EYA4: variants seen among roughly 807,000 people sequenced by gnomAD.
The protein encoded by EYA4 is protein phosphatase EYA4.
Under a neutral mutation model 87.9 loss-of-function variants are expected in EYA4, and 31 were observed. The observed-to-expected ratio is 0.35, with a 90% CI of 0.27 to 0.48. The LOEUF is 0.48. EYA4 is among the 20% of genes least tolerant of loss of function. The probability of loss-of-function intolerance (pLI) is 0.99; values close to 1 mark genes in which losing one functional copy is unlikely to be tolerated. For missense variants in EYA4, 678 were observed against 761.4 expected (o/e 0.89, Z 1.29); for synonymous variants, 263 against 270.6 (o/e 0.97, Z 0.28).
chr6:133,271,055 GA>G (rs1776646523), intron 1 of EYA4, among the ~76,000 whole-genome samples: 1 of 152,160 alleles, frequency 6.6e-6, no homozygotes, highest in Non-Finnish European at 1.5e-5. Context: ...TTTGCTAGTG[GA>G]AGGAAAAATT....
chr6:133,512,274 G>T (rs1400913552), intron 14 of EYA4, among the ~76,000 whole-genome samples: 1 of 152,066 alleles, frequency 6.6e-6, no homozygotes, highest in African/African-American at 2.4e-5. Flanking sequence ...TAATCTGAAG[G>T]CAAGCCCCTC....
intron 2 of EYA4, among the ~76,000 whole-genome samples, chr6:133,329,054 T>C (rs1165472848): frequency 6.6e-6 from 1 of 152,122 alleles, no homozygotes; most frequent in Non-Finnish European, 1.5e-5. Context: ...GTTAGGGTAA[T>C]ATGATCCTTC....
At chr6:133,345,152 A>C (rs564212730) in intron 2 of EYA4, among the ~76,000 whole-genome samples, 1 of 152,252 alleles carries the variant, frequency 6.6e-6, no homozygotes, top group Admixed American at 6.5e-5. Context: ...GAAATGAATC[A>C]CTGGAATTAA....
chr6:133,345,797 A>G (rs540778816), intron 2 of EYA4, among the ~76,000 whole-genome samples: 2 of 152,214 alleles, frequency 1.3e-5, no homozygotes, highest in Non-Finnish European at 2.9e-5. Flanking sequence ...TTCTCCCTTA[A>G]TTTTAAAGGA....
intron 1 of EYA4, among the ~76,000 whole-genome samples, chr6:133,262,923 T>C (rs1203370349): frequency 2.0e-5 from 3 of 152,196 alleles, no homozygotes; most frequent in Non-Finnish European, 4.4e-5. Context: ...GTTTTTCTTT[T>C]CTACGGCCAG....
chr6:133,327,484 A>G (rs571257388), intron 2 of EYA4, among the ~76,000 whole-genome samples: 1 of 152,288 alleles, frequency 6.6e-6, no homozygotes, highest in South Asian at 2.1e-4. Flanking sequence ...GATAGTCAAA[A>G]TAAATTAAAG....
chr6:133,243,049 G>C (rs933433047), intron 1 of EYA4, among the ~76,000 whole-genome samples: 1 of 151,788 alleles, frequency 6.6e-6, no homozygotes, highest in Non-Finnish European at 1.5e-5. Context: ...GCGCCCGGGC[G>C]TGTGTTTTGG....
Position 133,461,168 on chromosome 6 carries a change from T to C in EYA4, c.425T>C (p.Leu142Pro), listed in dbSNP as rs755994941. 6.2e-7 allele frequency: 1 copy of C among 1,612,294 alleles called. No homozygotes were observed. Among genetic ancestry groups the C allele is most frequent in the South Asian group, 1.1e-5 (1 of 91,050 alleles). The stretch of plus-strand genomic sequence containing the variant: ...TCAGCACATCAGTATTCCCCACAGC[T>C]GTATCCTTCCAAGTAAGTGGTCAGT... The part of the protein sequence containing the change: ...PRSAHQYSPQ[L>P]YPSKPYPHIL... The change falls in exon 7 of 20, where the codon CTG (leucine) becomes CCG (proline). Residue 142 changes from leucine (L) to proline (P), a missense_variant. By Grantham distance (98) the Leu-to-Pro change is moderately conservative. Transcript: ENST00000355286.
intron 2 of EYA4, among the ~76,000 whole-genome samples, chr6:133,368,756 G>T (rs1785045954): frequency 6.6e-6 from 1 of 152,148 alleles, no homozygotes; most frequent in Admixed American, 6.5e-5. Flanking sequence ...CTGACCATGT[G>T]CTGCAGGTGG....
In EYA4 at chr6:133,252,993, A is replaced by ACTCTCTCT. The variant is rs150275940; in HGVS notation, c.-66+11250_-66+11257dup. On this transcript the variant is annotated intron_variant, in intron 1 of 19. Coordinates refer to ENST00000355286, the MANE Select transcript of EYA4 (RefSeq NM_004100.5). ...CACACACACACACACACACACACTC[A>ACTCTCTCT]CTCTCTCTCTCTCACTTCCTTTGAT... Among the ~76,000 whole-genome samples the ACTCTCTCT allele has an allele frequency of 2.2e-4, 31 of 141,684 alleles. No individual in the cohort carries two copies. The Middle Eastern group carries it at 0.014, about 65-fold the overall frequency. 93.0% of individuals were successfully genotyped at this position (141,684 alleles called of 152,430 possible). A position where few individuals can be genotyped will look rare whatever the true frequency, so the allele number is the denominator to read the frequency against.
chr6:133,421,614 G>C (rs1254392430), intron 3 of EYA4, among the ~76,000 whole-genome samples: 1 of 152,170 alleles, frequency 6.6e-6, no homozygotes, highest in Non-Finnish European at 1.5e-5. Flanking sequence ...GAATTGCAAA[G>C]TCTAGACTTT....
At chr6:133,300,879 C>A (rs936681534) in intron 2 of EYA4, among the ~76,000 whole-genome samples, 26 of 152,056 alleles carry the variant, frequency 1.7e-4, no homozygotes, top group African/African-American at 6.3e-4. Context: ...TTTTAATGAG[C>A]GCAATAGTTA....
rs1797208312 is a variant in EYA4 at position 133,491,970 on chromosome 6, A to T, written c.1191+8855A>T. ...CCGTCTCAAAAAAAAAAAAAAAAAA[A>T]AGAGGAAGAAGAAAAGAAAGCCTGG... On this transcript the variant is annotated intron_variant, in intron 13 of 19. Coordinates refer to ENST00000355286, the MANE Select transcript of EYA4 (RefSeq NM_004100.5). Among the ~76,000 whole-genome samples the T allele has an allele frequency of 2.7e-5, 4 of 150,330 alleles. No individual in the cohort carries two copies. In the South Asian group the frequency reaches 6.3e-4, roughly 24 times the overall value.
At chr6:133,346,392 C>T (rs1048300166) in intron 2 of EYA4, among the ~76,000 whole-genome samples, 1 of 152,074 alleles carries the variant, frequency 6.6e-6, no homozygotes, top group Non-Finnish European at 1.5e-5. Flanking sequence ...CAGACGAAGT[C>T]GTATTCTGAT....
At chr6:133,375,880 T>C (rs980369904) in intron 2 of EYA4, among the ~76,000 whole-genome samples, 2 of 151,936 alleles carry the variant, frequency 1.3e-5, no homozygotes, top group Non-Finnish European at 2.9e-5. Flanking sequence ...TAACTAAAGT[T>C]AGATACCATT....
In EYA4 at chr6:133,431,544, T is replaced by C. The variant is rs989487998; in HGVS notation, c.84-15086T>C. ...ATAGAAATCATTCAGTTGATGCTAG[T>C]TGACTAATCACTCCTCATGCAATCT... On this transcript the variant is annotated intron_variant, in intron 3 of 19. Transcript: ENST00000355286. Among the ~76,000 whole-genome samples the C allele has an allele frequency of 2.8e-4, 43 of 152,236 alleles. 1 individual carries two copies. The highest frequency in any genetic ancestry group is 8.8e-5 in the Non-Finnish European group (6 of 68,038).
chr6:133,512,663 C>T, intron 14 of EYA4, 58 bp from the exon 15 acceptor site: 1 of 1,361,408 alleles, frequency 7.3e-7, no homozygotes, highest in Non-Finnish European at 1.1e-6. Context: ...GGAAAACCTT[C>T]AAGCATGGTA....
At chr6:133,462,196 C>T (rs1244070284) in intron 7 of EYA4, 139 bp from the exon 8 acceptor site, 11 of 1,052,158 alleles carry the variant, frequency 1.0e-5, no homozygotes, top group Admixed American at 3.5e-5. Context: ...CAGACTGTTG[C>T]TTTTTCCTAT....
rs941841102 is a variant in EYA4 at position 133,513,468 on chromosome 6, A to T, written c.1501+430A>T. 2.0e-5 allele frequency among the ~76,000 whole-genome samples: 3 copies of T among 152,220 alleles called. No individual in the cohort carries two copies. The East Asian group carries it at 5.8e-4, about 29-fold the overall frequency. ...AATCCCATCAAAAATAAATATAAAC[A>T]GTTATTAATGTCATTTCAAAGACTT... On this transcript the variant is annotated intron_variant, in intron 16 of 19. Coordinates refer to ENST00000355286, the MANE Select transcript of EYA4 (RefSeq NM_004100.5).
Sources: gnomAD v4.1 joint callset for allele counts (sites outside exome capture counted in the v4.1 genomes callset) on GRCh38, gnomAD v4.1.1 for gene constraint, MANE v1.5 for transcripts, NCBI Gene and HGNC (gene_info 2026-07-23, HGNC 2026-07-21) for gene names.